GRIK4: variants seen among roughly 807,000 people sequenced by gnomAD.
The protein encoded by GRIK4 is glutamate ionotropic receptor kainate type subunit 4.
In GRIK4, 40 loss-of-function variants were observed where a neutral mutation model predicts 104.9. The ratio of observed to expected loss-of-function variants is 0.38; its 90% CI spans 0.30 to 0.50. The LOEUF (loss-of-function observed/expected upper bound fraction) is 0.50. Among genes scored for constraint, GRIK4 ranks in the 20% least tolerant of loss-of-function variants. The probability of loss-of-function intolerance (pLI) is 0.93; values close to 1 mark genes in which losing one functional copy is unlikely to be tolerated. For synonymous variants in GRIK4, 485 were observed against 524.9 expected (o/e 0.92, Z 1.04); for missense variants, 1,047 against 1,308.1 (o/e 0.80, Z 3.08).
At chr11:120,889,228 C>T (rs373807345) in intron 11 of GRIK4, among the ~76,000 whole-genome samples, 4 of 152,286 alleles carry the variant, frequency 2.6e-5, no homozygotes, top group African/African-American at 9.6e-5. Context: ...TTTACTCCCT[C>T]GTGCCAAGGT....
At position 120,967,383 on chromosome 11, in the gene GRIK4, G is replaced by A. The variant is rs974736936; in HGVS notation, c.2395+60G>A. The stretch of plus-strand genomic sequence containing the variant: ...AGAGGACCAAAGTAGCTTGTTTCTC[G>A]TGTTCAAATTCCAGGTACACATAAT... On this transcript the variant is annotated intron_variant, in intron 19 of 20. Transcript: ENST00000527524. This position sits in a 1 kb window ranked among gnomAD's most constrained non-coding sequence, Gnocchi z 4.2. 1.7e-5 allele frequency: 26 copies of A among 1,533,418 alleles called. No homozygotes were observed. Among genetic ancestry groups the A allele is most frequent in the Admixed American group, 3.9e-5 (2 of 51,778 alleles). 95.0% of individuals were successfully genotyped at this position (1,533,418 alleles called of 1,614,324 possible).
intron 3 of GRIK4, among the ~76,000 whole-genome samples, chr11:120,704,460 A>G (rs568666407): frequency 1.2e-4 from 19 of 152,352 alleles, no homozygotes; most frequent in African/African-American, 4.3e-4. Context: ...GCCCAAGCTT[A>G]GAGCAGTCAC....
intron 3 of GRIK4, among the ~76,000 whole-genome samples, chr11:120,699,739 A>G (rs1227907745): frequency 1.3e-5 from 2 of 152,234 alleles, no homozygotes; most frequent in Non-Finnish European, 2.9e-5. Context: ...AAATGAGAGA[A>G]GAGCTGCACA....
At chr11:120,568,651 G>A (rs887297558) in intron 1 of GRIK4, among the ~76,000 whole-genome samples, 4 of 152,146 alleles carry the variant, frequency 2.6e-5, no homozygotes, top group African/African-American at 7.2e-5. Flanking sequence ...GCCCCCCAAA[G>A]TGCTGGGATT....
At chr11:120,580,188 G>T (rs550371756) in intron 1 of GRIK4, among the ~76,000 whole-genome samples, 1 of 150,156 alleles carries the variant, frequency 6.7e-6, no homozygotes, top group Non-Finnish European at 1.5e-5. Flanking sequence ...ACACATTTGA[G>T]TACAAGGGTT....
At chr11:120,817,524 T>C (rs779532779) in intron 5 of GRIK4, among the ~76,000 whole-genome samples, 4 of 150,422 alleles carry the variant, frequency 2.7e-5, no homozygotes, top group Non-Finnish European at 2.9e-5. Flanking sequence ...CACCCAGGAG[T>C]CCATTGCTTT....
intron 13 of GRIK4, among the ~76,000 whole-genome samples, chr11:120,917,711 G>A (rs567221761): frequency 6.6e-6 from 1 of 152,184 alleles, no homozygotes; most frequent in Non-Finnish European, 1.5e-5. Flanking sequence ...TTGCCCGGGG[G>A]GATCTGGAAG....
At chr11:120,661,015 C>T (rs1280735771) in intron 3 of GRIK4, among the ~76,000 whole-genome samples, 1 of 152,098 alleles carries the variant, frequency 6.6e-6, no homozygotes, top group African/African-American at 2.4e-5. Flanking sequence ...CCTGGAGGGG[C>T]GGGTCTGGGA....
chr11:120,710,077 T>C (rs1790556696), intron 3 of GRIK4, among the ~76,000 whole-genome samples: 1 of 152,116 alleles, frequency 6.6e-6, no homozygotes, highest in Admixed American at 6.5e-5. Context: ...AGTTGAACAG[T>C]AGTCAGCGCG....
At chr11:120,697,591 G>A (rs1950473080) in intron 3 of GRIK4, among the ~76,000 whole-genome samples, 1 of 152,156 alleles carries the variant, frequency 6.6e-6, no homozygotes, top group Non-Finnish European at 1.5e-5. Context: ...CTCCAGTCTG[G>A]GCGACAGAGT....
At chr11:120,822,211 C>CAAAAAAAA (rs34732807) in intron 6 of GRIK4, among the ~76,000 whole-genome samples, 1 of 71,638 alleles carries the variant, frequency 1.4e-5, no homozygotes, top group Non-Finnish European at 2.7e-5. Context: ...AACCCTATCT[C>CAAAAAAAA]AAAAAAAAAA....
intron 14 of GRIK4, among the ~76,000 whole-genome samples, chr11:120,950,416 T>C (rs1267669795): frequency 6.6e-6 from 1 of 152,226 alleles, no homozygotes; most frequent in African/African-American, 2.4e-5. Flanking sequence ...GTGCTGTCAT[T>C]TTCCTCAATT....
intron 9 of GRIK4, chr11:120,870,372 T>C (rs1033492953): frequency 6.6e-6 from 1 of 152,216 alleles, no homozygotes; most frequent in Non-Finnish European, 1.5e-5. Flanking sequence ...CAACCAGTCT[T>C]TCCAGGAGGC....
At position 120,555,643 on chromosome 11, in the gene GRIK4, T is replaced by C. The variant is rs1173079783; in HGVS notation, c.-159+43756T>C. Among the ~76,000 whole-genome samples the C allele has an allele frequency of 6.6e-6, 1 of 152,110 alleles. No individual in the cohort carries two copies. The highest frequency in any genetic ancestry group is 2.4e-5 in the African/African-American group (1 of 41,428). On this transcript the variant is annotated intron_variant, in intron 1 of 20. Coordinates refer to ENST00000527524, the MANE Select transcript of GRIK4 (RefSeq NM_014619.5). The surrounding 1 kb of genome is among the most constrained non-coding windows in gnomAD (Gnocchi z 5.3). ...GCAAATGGGACCGAGACACATCCAA[T>C]GCCCAGGTGGTGAGGTGGAGGAGGG...
At chr11:120,780,925 G>A (rs1952143975) in intron 3 of GRIK4, among the ~76,000 whole-genome samples, 1 of 151,988 alleles carries the variant, frequency 6.6e-6, no homozygotes, top group Admixed American at 6.5e-5. Flanking sequence ...TGCATTTTTA[G>A]TAGAGACGGG....
intron 13 of GRIK4, among the ~76,000 whole-genome samples, chr11:120,909,217 C>T (rs1247677120): frequency 1.3e-5 from 2 of 152,230 alleles, no homozygotes; most frequent in Non-Finnish European, 2.9e-5. Context: ...GGTCATCTTC[C>T]TGGAGGGTTA....
intron 3 of GRIK4, among the ~76,000 whole-genome samples, chr11:120,703,066 T>G (rs1409640927): frequency 1.3e-5 from 2 of 152,208 alleles, no homozygotes; most frequent in Non-Finnish European, 2.9e-5. Flanking sequence ...TCAATAGAAC[T>G]TTCTCGATGA....
At chr11:120,921,525 G>A (rs1403608207) in intron 13 of GRIK4, among the ~76,000 whole-genome samples, 7 of 152,158 alleles carry the variant, frequency 4.6e-5, no homozygotes, top group African/African-American at 7.2e-5. Flanking sequence ...CAGGTGTACC[G>A]GTGCGTTTAG....
At chr11:120,541,820 G>T (rs970748087) in intron 1 of GRIK4, among the ~76,000 whole-genome samples, 1 of 152,032 alleles carries the variant, frequency 6.6e-6, no homozygotes, top group African/African-American at 2.4e-5. Context: ...TAAACGGAAA[G>T]GTATCCTATA....
Sources: gnomAD v4.1 joint callset for allele counts (sites outside exome capture counted in the v4.1 genomes callset) on GRCh38, gnomAD v4.1.1 for gene constraint, Gnocchi (gnomAD v3.1) non-coding constraint, MANE v1.5 for transcripts, NCBI Gene and HGNC (gene_info 2026-07-23, HGNC 2026-07-21) for gene names.